Variants in ZMAT3 observed in about 807,000 individuals in gnomAD.
ZMAT3 encodes the protein zinc finger matrin-type 3.
In ZMAT3, 17 loss-of-function variants were observed where a neutral mutation model predicts 32.3. The ratio of observed to expected loss-of-function variants is 0.53; its 90% CI spans 0.36 to 0.79. The LOEUF is 0.79. Among genes scored for constraint, ZMAT3 ranks in the 30% least tolerant of loss-of-function variants. ZMAT3 has a pLI of 0.00. For synonymous variants in ZMAT3, 120 were observed against 133.1 expected (o/e 0.90, Z 0.68); for missense variants, 329 against 359.7 (o/e 0.91, Z 0.69).
rs2108563572 is a variant in ZMAT3 at position 179,046,392 on chromosome 3, G to T, written c.271-15393C>A. On this transcript the variant is annotated intron_variant, in intron 2 of 5. Coordinates refer to ENST00000311417, the MANE Select transcript of ZMAT3 (RefSeq NM_022470.4). The surrounding 1 kb of genome is among the most constrained non-coding windows in gnomAD (Gnocchi z 4.3). ...AGGGAAAATAGCAGACAGGAGGCAGGACTAACTAGCAGCTCCCACTCAGAT... is the reference window on the plus strand; with the variant it reads ...AGGGAAAATAGCAGACAGGAGGCAGTACTAACTAGCAGCTCCCACTCAGAT... Among the ~76,000 whole-genome samples the T allele has an allele frequency of 6.6e-6, 1 of 152,320 alleles. No individual in the cohort carries two copies. The highest frequency in any genetic ancestry group is 2.1e-4 in the South Asian group (1 of 4,824).
chr3:179,040,615 T>C (rs1432146640), intron 2 of ZMAT3, among the ~76,000 whole-genome samples: 1 of 152,182 alleles, frequency 6.6e-6, no homozygotes, highest in East Asian at 1.9e-4. Flanking sequence ...TAACAACCAC[T>C]GCAAAAACTG....
chr3:179,019,350 G>A lies in ZMAT3; in HGVS notation c.*5667C>T, dbSNP rs564557928. 6.6e-6 allele frequency: 1 copy of A among 151,648 alleles called. No individual in the cohort carries two copies. The highest frequency in any genetic ancestry group is 2.4e-5 in the African/African-American group (1 of 41,280). The allele number at this position is 151,648 out of a possible 1,614,324, so 9.4% of individuals were successfully genotyped here. On this transcript the variant is annotated 3_prime_UTR_variant, in exon 6 of 6. Coordinates refer to ENST00000311417, the MANE Select transcript of ZMAT3 (RefSeq NM_022470.4). Reference sequence around the variant, plus strand: ...CCACTTTCAAAATAGATATTTAAACGAATACTAAACCTTAATTAATGACAC... The same window carrying A: ...CCACTTTCAAAATAGATATTTAAACAAATACTAAACCTTAATTAATGACAC...
In ZMAT3 at chr3:179,049,620, C is replaced by T. The variant is rs113791076; in HGVS notation, c.270+17863G>A. Among the ~76,000 whole-genome samples the T allele has an allele frequency of 3.6e-3, 545 of 152,240 alleles. 2 individuals carry two copies. Among genetic ancestry groups the T allele is most frequent in the Non-Finnish European group, 5.7e-3 (387 of 68,012 alleles). ...AAATTAAAAAATTATTTGAACTGAA[C>T]GATAATAGTGATACAACCTATGAAA... is the stretch of plus-strand genomic sequence containing the variant. On this transcript the variant is annotated intron_variant, in intron 2 of 5. Transcript: ENST00000311417.
chr3:179,038,116 G>A (rs1370312788), intron 2 of ZMAT3, among the ~76,000 whole-genome samples: 1 of 152,202 alleles, frequency 6.6e-6, no homozygotes, highest in East Asian at 1.9e-4. Context: ...GATGGCTCCA[G>A]CCATGCAATG....
Position 179,020,020 on chromosome 3 carries a change from T to C in ZMAT3, c.*4997A>G, listed in dbSNP as rs1463694076. 6.6e-6 allele frequency: 1 copy of C among 152,178 alleles called. No homozygotes were observed. Among genetic ancestry groups the C allele is most frequent in the African/African-American group, 2.4e-5 (1 of 41,450 alleles). The allele number at this position is 152,178 out of a possible 1,614,324, so 9.4% of individuals were successfully genotyped here. A position where few individuals can be genotyped will look rare whatever the true frequency, so the allele number is the denominator to read the frequency against. On this transcript the variant is annotated 3_prime_UTR_variant, in exon 6 of 6. Transcript: ENST00000311417. ...ATTCATTTTCAGAATGTATGGTTTC[T>C]GATCAATAATGACAATAGTTTTACT...
At chr3:179,065,666 C>T (rs970086894) in intron 2 of ZMAT3, among the ~76,000 whole-genome samples, 9 of 152,130 alleles carry the variant, frequency 5.9e-5, no homozygotes, top group Admixed American at 3.9e-4. Flanking sequence ...AGGCTGGGTG[C>T]GGTAGGTCAC....
intron 2 of ZMAT3, among the ~76,000 whole-genome samples, chr3:179,052,717 A>G (rs1720633053): frequency 6.6e-6 from 1 of 152,222 alleles, no homozygotes; most frequent in Non-Finnish European, 1.5e-5. Flanking sequence ...TACCAGCACA[A>G]TTTGCAACTG....
intron 2 of ZMAT3, among the ~76,000 whole-genome samples, chr3:179,041,314 T>C (rs1249122814): frequency 2.0e-5 from 3 of 152,200 alleles, no homozygotes; most frequent in Non-Finnish European, 2.9e-5. Flanking sequence ...TATTCTAAAA[T>C]TGACCACATA....
chr3:179,067,413 C>A (rs2108591473), intron 2 of ZMAT3, 70 bp downstream of exon 2: 3 of 1,527,776 alleles, frequency 2.0e-6, no homozygotes, highest in Non-Finnish European at 2.7e-6. Context: ...TCTGGAGAGA[C>A]AACTGCTAAA....
chr3:179,039,150 A>T (rs1256828888), intron 2 of ZMAT3, among the ~76,000 whole-genome samples: 1 of 152,262 alleles, frequency 6.6e-6, no homozygotes, highest in Non-Finnish European at 1.5e-5. Context: ...AACAAAAGGC[A>T]GCAGACAACT....
At chr3:179,042,195 A>G (rs2108557983) in intron 2 of ZMAT3, among the ~76,000 whole-genome samples, 1 of 152,336 alleles carries the variant, frequency 6.6e-6, no homozygotes, top group East Asian at 1.9e-4. Flanking sequence ...AAACTATTCC[A>G]ATCAATAAAA....
chr3:179,043,026 G>A (rs990649206), intron 2 of ZMAT3, among the ~76,000 whole-genome samples: 4 of 152,238 alleles, frequency 2.6e-5, no homozygotes, highest in South Asian at 2.1e-4. Context: ...GGGATGTGAA[G>A]GACCTCTTCA....
At chr3:179,027,880 GTCTT>G (rs1718967749) in intron 3 of ZMAT3, 68 bp from the exon 4 acceptor site, 4 of 1,488,270 alleles carry the variant, frequency 2.7e-6, no homozygotes, top group Middle Eastern at 2.5e-4. Flanking sequence ...CTCCTCAAAG[GTCTT>G]TCTAAGAGCT....
chr3:179,025,077 A>G lies in ZMAT3; in HGVS notation c.810T>C (p.His270=). 6.2e-7 allele frequency: 1 copy of G among 1,614,152 alleles called. No individual in the cohort carries two copies. Among genetic ancestry groups the G allele is most frequent in the Non-Finnish European group, 8.5e-7 (1 of 1,180,024 alleles). ...ACCGCTGTTCAGACACCTTGCTCTT[A>G]TGTTGCTTGCTCTCTAAATGCTGCC... is the stretch of plus-strand genomic sequence containing the variant. The part of the protein sequence containing the change: ...EFRQHLESKQ[H]KSKVSEQRYR... Residue 270 remains histidine, a synonymous_variant, in exon 6 of 6, where the codon CAT becomes CAC. Coordinates refer to ENST00000311417, the MANE Select transcript of ZMAT3 (RefSeq NM_022470.4).
chr3:179,049,990 TCAA>T (rs1442191886), intron 2 of ZMAT3, among the ~76,000 whole-genome samples: 1 of 6,110 alleles, frequency 1.6e-4, no homozygotes, highest in African/African-American at 5.5e-4. Flanking sequence ...AGACTCCGTC[TCAA>T]AAAAAAAAAA....
At chr3:179,058,742 C>T (rs1410743217) in intron 2 of ZMAT3, among the ~76,000 whole-genome samples, 5 of 130,402 alleles carry the variant, frequency 3.8e-5, no homozygotes, top group African/African-American at 1.5e-4. Context: ...GGCGACAGAG[C>T]GAGACTCCGT....
At chr3:179,052,599 TAAAGAACTA>T (rs1435339112) in intron 2 of ZMAT3, among the ~76,000 whole-genome samples, 1 of 152,092 alleles carries the variant, frequency 6.6e-6, no homozygotes, top group Non-Finnish European at 1.5e-5. Flanking sequence ...ATTCCTTCCT[TAAAGAACTA>T]AAAGTAGATC....
At position 179,018,340 on chromosome 3, in the gene ZMAT3, G is replaced by T. The variant is rs1274365009; in HGVS notation, c.*6677C>A. On this transcript the variant is annotated 3_prime_UTR_variant, in exon 6 of 6. Coordinates refer to ENST00000311417, the MANE Select transcript of ZMAT3 (RefSeq NM_022470.4). ...AATGCAAAAACATCCAATAAATGTT[G>T]CATTATTAGTATTCAACAGTGCAGC... is the stretch of plus-strand genomic sequence containing the variant. 1.3e-5 allele frequency: 2 copies of T among 152,060 alleles called. No individual in the cohort carries two copies. The highest frequency in any genetic ancestry group is 2.9e-5 in the Non-Finnish European group (2 of 68,008). 9.4% of individuals were successfully genotyped at this position (152,060 alleles called of 1,614,324 possible). A position where few individuals can be genotyped will look rare whatever the true frequency, so the allele number is the denominator to read the frequency against.
rs1256982330 is a variant in ZMAT3 at position 179,019,342 on chromosome 3, A to AT, written c.*5674dup. 2.0e-5 allele frequency: 3 copies of AT among 152,086 alleles called. No individual in the cohort carries two copies. The highest frequency in any genetic ancestry group is 4.4e-5 in the Non-Finnish European group (3 of 67,998). The allele number at this position is 152,086 out of a possible 1,614,324, so 9.4% of individuals were successfully genotyped here. ...TTCATACACCACTTTCAAAATAGATATTTAAACGAATACTAAACCTTAATT... is the reference window on the plus strand; with the variant it reads ...TTCATACACCACTTTCAAAATAGATATTTTAAACGAATACTAAACCTTAATT... On this transcript the variant is annotated 3_prime_UTR_variant, in exon 6 of 6. Transcript: ENST00000311417.
Sources: allele counts gnomAD v4.1 joint callset (sites outside exome capture counted in the v4.1 genomes callset), GRCh38; gene constraint gnomAD v4.1.1; non-coding constraint Gnocchi (gnomAD v3.1); transcripts MANE v1.5; gene names NCBI Gene and HGNC (gene_info 2026-07-23, HGNC 2026-07-21).